The following SPOCK3 variants were observed in gnomAD, a reference collection of about 807,000 sequenced individuals.
SPOCK3 encodes the protein SPARC (osteonectin), cwcv and kazal like domains proteoglycan 3.
In SPOCK3, 30 loss-of-function variants were observed where a neutral mutation model predicts 56.6. That is an observed-to-expected ratio of 0.53 (90% CI 0.40 to 0.72). The LOEUF is 0.72. Ranked by LOEUF, SPOCK3 falls within the 30% of genes least tolerant of loss-of-function variation. SPOCK3 has a pLI of 0.00. For missense variants in SPOCK3, 527 were observed against 530.0 expected (o/e 0.99, Z 0.06); for synonymous variants, 196 against 183.3 (o/e 1.07, Z -0.56).
intron 6 of SPOCK3, among the ~76,000 whole-genome samples, chr4:166,888,628 T>G (rs1734446465): frequency 6.6e-6 from 1 of 152,016 alleles, no homozygotes; most frequent in African/African-American, 2.4e-5. Flanking sequence ...AATTAAAGAC[T>G]TCATCTGGTC....
At chr4:166,909,612 GA>G (rs1225958784) in intron 5 of SPOCK3, among the ~76,000 whole-genome samples, 1 of 152,072 alleles carries the variant, frequency 6.6e-6, no homozygotes, top group Non-Finnish European at 1.5e-5. Flanking sequence ...CTTCCACACT[GA>G]ATGTAGGGCC....
At chr4:166,897,106 C>T (rs1735476031) in intron 5 of SPOCK3, among the ~76,000 whole-genome samples, 1 of 152,042 alleles carries the variant, frequency 6.6e-6, no homozygotes, top group Admixed American at 6.6e-5. Context: ...TTATTATATA[C>T]TTCCATGATT....
intron 2 of SPOCK3, among the ~76,000 whole-genome samples, chr4:167,068,552 A>G (rs1756380501): frequency 6.6e-6 from 1 of 151,768 alleles, no homozygotes; most frequent in Non-Finnish European, 1.5e-5. Context: ...TATATGGTAT[A>G]TTTTAGGAAG....
chr4:166,953,047 C>A (rs1392720943), intron 4 of SPOCK3, among the ~76,000 whole-genome samples: 1 of 151,796 alleles, frequency 6.6e-6, no homozygotes, highest in Non-Finnish European at 1.5e-5. Flanking sequence ...GTCTAAAAAA[C>A]CAAAAGCAAT....
Position 166,735,041 on chromosome 4 carries a change from T to G in SPOCK3, c.1182A>C (p.Glu394Asp). Reference sequence around the variant, plus strand: ...CTTCATCATCCTCATCATCAGTCCATTCATGAAAATCGCCACTAGCAAAAT... The same window carrying G: ...CTTCATCATCCTCATCATCAGTCCAGTCATGAAAATCGCCACTAGCAAAAT... The part of the protein sequence containing the change: ...SGDFASGDFH[E>D]WTDDEDDEDD... Residue 394 changes from glutamate (E) to aspartate (D), a missense_variant, in exon 11 of 11, where the codon GAA (glutamate) becomes GAC (aspartate). By Grantham distance (45) the Glu-to-Asp change is conservative. Transcript: ENST00000357545. 1 of 1,598,600 alleles carries G rather than the reference T, an allele frequency of 6.3e-7. No homozygotes were observed. Among genetic ancestry groups the G allele is most frequent in the Non-Finnish European group, 8.6e-7 (1 of 1,167,658 alleles).
chr4:167,037,327 C>A (rs1017956236), intron 3 of SPOCK3, among the ~76,000 whole-genome samples: 2 of 151,854 alleles, frequency 1.3e-5, no homozygotes, highest in Non-Finnish European at 1.5e-5. Flanking sequence ...ACTAAAAATA[C>A]AAAAATTAGC....
intron 4 of SPOCK3, among the ~76,000 whole-genome samples, chr4:166,942,431 G>A (rs1163125905): frequency 1.2e-4 from 17 of 145,776 alleles, no homozygotes; most frequent in African/African-American, 4.1e-4. Flanking sequence ...GGATGGTCTC[G>A]ATCTCCTGAC....
chr4:166,821,832 C>T (rs1744964134), intron 6 of SPOCK3, among the ~76,000 whole-genome samples: 1 of 151,922 alleles, frequency 6.6e-6, no homozygotes, highest in Non-Finnish European at 1.5e-5. Flanking sequence ...AAAGTTTGCA[C>T]ACATTTGTAA....
chr4:166,943,894 C>A (rs1459372896), intron 4 of SPOCK3, among the ~76,000 whole-genome samples: 1 of 151,964 alleles, frequency 6.6e-6, no homozygotes, highest in East Asian at 1.9e-4. Flanking sequence ...GCCTGTAATC[C>A]CAGCACTTTG....
intron 4 of SPOCK3, among the ~76,000 whole-genome samples, chr4:166,992,389 G>A (rs1747887541): frequency 6.6e-6 from 1 of 152,076 alleles, no homozygotes; most frequent in South Asian, 2.1e-4. Flanking sequence ...CCTTTTCTAT[G>A]TAGCTAATAA....
chr4:166,822,396 C>T (rs879652695), intron 6 of SPOCK3, among the ~76,000 whole-genome samples: 7 of 152,042 alleles, frequency 4.6e-5, no homozygotes, highest in Middle Eastern at 3.2e-3. Context: ...CCTCTTTGAA[C>T]ACTCTTTGGC....
intron 7 of SPOCK3, among the ~76,000 whole-genome samples, chr4:166,767,155 A>T (rs574541035): frequency 8.0e-4 from 121 of 151,960 alleles, no homozygotes; most frequent in African/African-American, 2.6e-3. Flanking sequence ...GGATTCATTG[A>T]TTTTTTGAAG....
chr4:166,964,316 T>C (rs1031919960), intron 4 of SPOCK3, among the ~76,000 whole-genome samples: 9 of 151,786 alleles, frequency 5.9e-5, no homozygotes. Flanking sequence ...GGAACAAAGC[T>C]AAAGAGGAGC....
At chr4:166,944,348 G>A (rs1741468646) in intron 4 of SPOCK3, among the ~76,000 whole-genome samples, 1 of 151,858 alleles carries the variant, frequency 6.6e-6, no homozygotes, top group Non-Finnish European at 1.5e-5. Flanking sequence ...TAACAACAAT[G>A]CAACCATATG....
intron 2 of SPOCK3, among the ~76,000 whole-genome samples, chr4:167,072,796 T>C (rs1756805392): frequency 1.3e-5 from 2 of 151,858 alleles, no homozygotes; most frequent in Non-Finnish European, 2.9e-5. Context: ...AAAATAAGAT[T>C]ATAAAAAGCT....
intron 3 of SPOCK3, among the ~76,000 whole-genome samples, chr4:167,044,878 G>A (rs9995354): frequency 0.015 from 2,209 of 152,168 alleles, 53 homozygotes; most frequent in African/African-American, 0.05. Context: ...TGAAAAGGAT[G>A]TTTACTCTGC....
At chr4:166,851,200 AG>A in intron 6 of SPOCK3, among the ~76,000 whole-genome samples, 1 of 152,272 alleles carries the variant, frequency 6.6e-6, no homozygotes, top group East Asian at 1.9e-4. Context: ...ACTCCCTAGC[AG>A]GGGCAGACTG....
At chr4:167,168,067 T>C (rs1319644895) in intron 2 of SPOCK3, among the ~76,000 whole-genome samples, 1 of 152,144 alleles carries the variant, frequency 6.6e-6, no homozygotes, top group Non-Finnish European at 1.5e-5. Context: ...ACTTTGCTCC[T>C]CATTCATCTT....
At chr4:166,851,731 C>G (rs1730114878) in intron 6 of SPOCK3, among the ~76,000 whole-genome samples, 1 of 151,828 alleles carries the variant, frequency 6.6e-6, no homozygotes, top group South Asian at 2.1e-4. Flanking sequence ...TTGTGGAAGT[C>G]AGTGTGGCGA....
Sources: allele counts gnomAD v4.1 joint callset (sites outside exome capture counted in the v4.1 genomes callset), GRCh38; gene constraint gnomAD v4.1.1; transcripts MANE v1.5; gene names NCBI Gene and HGNC (gene_info 2026-07-23, HGNC 2026-07-21).